Variants in NRCAM observed in about 807,000 individuals in gnomAD.
NRCAM encodes neuronal cell adhesion molecule.
Under a neutral mutation model 156.5 loss-of-function variants are expected in NRCAM, and 83 were observed. The observed-to-expected ratio is 0.53, with a 90% confidence interval of 0.44 to 0.64. NRCAM has a LOEUF of 0.64. NRCAM is among the 30% of genes least tolerant of loss of function. The probability of loss-of-function intolerance (pLI) is 0.00; values close to 1 mark genes in which losing one functional copy is unlikely to be tolerated. For missense variants in NRCAM, 1,417 were observed against 1,597.3 expected (o/e 0.89, Z 1.92); for synonymous variants, 538 against 563.9 (o/e 0.95, Z 0.65).
intron 3 of NRCAM, among the ~76,000 whole-genome samples, chr7:108,296,840 C>A (rs370459958): frequency 6.6e-6 from 1 of 152,054 alleles, no homozygotes; most frequent in Non-Finnish European, 1.5e-5. Context: ...AAACAAATAA[C>A]GAGAATCCTT....
At chr7:108,448,496 T>C (rs1846926233) in intron 1 of NRCAM, among the ~76,000 whole-genome samples, 1 of 152,222 alleles carries the variant, frequency 6.6e-6, no homozygotes, top group Non-Finnish European at 1.5e-5. Context: ...ACTTTCAATT[T>C]TTCAGTTTTC....
At chr7:108,362,108 A>G (rs1030162903) in intron 2 of NRCAM, among the ~76,000 whole-genome samples, 1 of 152,188 alleles carries the variant, frequency 6.6e-6, no homozygotes, top group Non-Finnish European at 1.5e-5. Context: ...GCAAAATACC[A>G]CAAGCTGGGT....
chr7:108,240,534 C>T (rs2095453070), intron 3 of NRCAM, among the ~76,000 whole-genome samples: 1 of 152,166 alleles, frequency 6.6e-6, no homozygotes, highest in Non-Finnish European at 1.5e-5. Flanking sequence ...GAGGGGTAGC[C>T]TAATGGCTTC....
intron 3 of NRCAM, among the ~76,000 whole-genome samples, chr7:108,242,258 C>CAAAAAAAA (rs11413420): frequency 4.1e-5 from 4 of 98,520 alleles, no homozygotes; most frequent in Non-Finnish European, 5.7e-5. Context: ...GACCCCGTCT[C>CAAAAAAAA]AAAAAAAAAA....
At chr7:108,159,587 T>C (rs747381193) in intron 31 of NRCAM, 46 bp from the exon 32 acceptor site, 2 of 1,449,786 alleles carry the variant, frequency 1.4e-6, no homozygotes, top group East Asian at 4.5e-5. Flanking sequence ...TCCTGTTCTT[T>C]CTTATTCAAA....
intron 17 of NRCAM, 90 bp from the exon 18 acceptor site, chr7:108,191,943 G>A: frequency 7.0e-7 from 1 of 1,429,638 alleles, no homozygotes; most frequent in South Asian, 1.4e-5. Flanking sequence ...CTGTAAATTT[G>A]ATAAAGGAGA....
At chr7:108,286,668 A>T (rs1293588977) in intron 3 of NRCAM, among the ~76,000 whole-genome samples, 1 of 152,132 alleles carries the variant, frequency 6.6e-6, no homozygotes, top group African/African-American at 2.4e-5. Flanking sequence ...TTGCAGACAC[A>T]GCTATTAAGT....
chr7:108,364,948 A>C (rs1299369356), intron 2 of NRCAM, among the ~76,000 whole-genome samples: 1 of 152,166 alleles, frequency 6.6e-6, no homozygotes, highest in South Asian at 2.1e-4. Context: ...TGCACTTTCA[A>C]AGGTGAAATG....
chr7:108,297,889 T>C (rs1033374850), intron 3 of NRCAM, among the ~76,000 whole-genome samples: 2 of 152,148 alleles, frequency 1.3e-5, no homozygotes, highest in Admixed American at 6.5e-5. Context: ...AGCAAAGACC[T>C]AAAGAAGAAG....
chr7:108,258,905 C>A (rs1039478479), intron 3 of NRCAM, among the ~76,000 whole-genome samples: 1 of 152,228 alleles, frequency 6.6e-6, no homozygotes, highest in Non-Finnish European at 1.5e-5. Flanking sequence ...GGAGACTCCA[C>A]TAAAATGTCA....
intron 11 of NRCAM, among the ~76,000 whole-genome samples, chr7:108,218,410 C>A (rs1260024164): frequency 6.6e-6 from 1 of 152,156 alleles, no homozygotes; most frequent in Admixed American, 6.5e-5. Context: ...AATACACATT[C>A]TATTCAACAG....
intron 30 of NRCAM, among the ~76,000 whole-genome samples, chr7:108,164,468 T>C (rs768720481): frequency 3.3e-5 from 5 of 151,614 alleles, no homozygotes; most frequent in Non-Finnish European, 7.4e-5. Flanking sequence ...GAGAGAGAAG[T>C]AGATCATGAA....
At chr7:108,422,282 T>C (rs1473961450) in intron 1 of NRCAM, among the ~76,000 whole-genome samples, 1 of 152,238 alleles carries the variant, frequency 6.6e-6, no homozygotes, top group African/African-American at 2.4e-5. Flanking sequence ...TATTTAGTGC[T>C]ATATGCCAGG....
intron 20 of NRCAM, among the ~76,000 whole-genome samples, chr7:108,188,389 G>A (rs111312898): frequency 6.6e-6 from 1 of 150,932 alleles, no homozygotes; most frequent in Non-Finnish European, 1.5e-5. Context: ...CTGTGTGTGT[G>A]TGTGTGTGTG....
chr7:108,421,215 ATATCT>A (rs1282969985), intron 1 of NRCAM, among the ~76,000 whole-genome samples: 8 of 152,210 alleles, frequency 5.3e-5, no homozygotes, highest in African/African-American at 9.6e-5. Flanking sequence ...TAAAAGAATA[ATATCT>A]TATGTTAGAT....
In NRCAM at chr7:108,167,037, G is replaced by A. The variant is rs200800851; in HGVS notation, c.3350C>T (p.Ser1117Phe). 6.8e-6 allele frequency: 11 copies of A among 1,613,802 alleles called. No homozygotes were observed. In the Admixed American group the frequency reaches 1.2e-4, roughly 17 times the overall value. ...EEWRKEIVNG[S>F]RSFFGLKGLM... ...ACCCTTTAACCCAAAGAAGCTCCGAGAACCATTTACAATTTCTTTTCTCCA... is the reference window on the plus strand; with the variant it reads ...ACCCTTTAACCCAAAGAAGCTCCGAAAACCATTTACAATTTCTTTTCTCCA... Residue 1117 changes from serine to phenylalanine, a missense_variant, in exon 30 of 33, where the codon TCT becomes TTT. This residue lies in a region of NRCAM where 179 missense variants were observed against 260.9 expected (regional missense o/e 0.69). Transcript: ENST00000379028.
chr7:108,198,420 T>G (rs1165579285), intron 13 of NRCAM, among the ~76,000 whole-genome samples: 1 of 152,164 alleles, frequency 6.6e-6, no homozygotes. Context: ...CTTTAAGTTT[T>G]AGGGTACATG....
intron 13 of NRCAM, among the ~76,000 whole-genome samples, chr7:108,199,244 T>TA (rs11339268): frequency 1.3e-4 from 19 of 151,740 alleles, no homozygotes; most frequent in East Asian, 3.9e-4. Context: ...ACTTTTAAAA[T>TA]AAAAAAAAAT....
chr7:108,192,542 T>C (rs1378190238), intron 17 of NRCAM, among the ~76,000 whole-genome samples: 1 of 151,630 alleles, frequency 6.6e-6, no homozygotes, highest in Non-Finnish European at 1.5e-5. Flanking sequence ...GCCAAAAAGG[T>C]TGGGGACCAC....
Sources: gnomAD v4.1 joint callset for allele counts (sites outside exome capture counted in the v4.1 genomes callset) on GRCh38, gnomAD v4.1.1 for gene constraint, gnomAD v4.1.1 regional missense constraint, MANE v1.5 for transcripts, NCBI Gene and HGNC (gene_info 2026-07-23, HGNC 2026-07-21) for gene names.